COL6A5: variants seen among roughly 807,000 people sequenced by gnomAD.
COL6A5 encodes the protein collagen type VI alpha 5 chain.
COL6A5 carries 48 observed loss-of-function variants against 65.6 expected under a neutral mutation model. That is an observed-to-expected ratio of 0.73 (90% CI 0.58 to 0.93). COL6A5 has a LOEUF of 0.93. Among genes scored for constraint, COL6A5 ranks in the 40% least tolerant of loss-of-function variants. The pLI is 0.00. For synonymous variants in COL6A5, 291 were observed against 322.8 expected (o/e 0.90, Z 1.05); for missense variants, 914 against 928.3 (o/e 0.98, Z 0.20).
chr3:130,418,308 G>C (rs76492659), intron 24 of COL6A5, among the ~76,000 whole-genome samples: 2,731 of 151,950 alleles, frequency 0.018, 65 homozygotes, highest in East Asian at 0.091. Context: ...CCCTCTTCCT[G>C]GATCACTCTC....
chr3:130,361,252 C>T (rs997363069), intron 1 of COL6A5, among the ~76,000 whole-genome samples: 5 of 152,058 alleles, frequency 3.3e-5, no homozygotes, highest in Admixed American at 6.6e-5. Context: ...TCCCTCCATA[C>T]CTCCTAACCA....
chr3:130,484,313 G>A (rs1034075978), exon 8 of COL6A5: 2 of 494,904 alleles, frequency 4.0e-6, no homozygotes, highest in Admixed American at 3.7e-5. Flanking sequence ...CGACCTATAA[G>A]AGTTAACTTT....
intron 4 of COL6A5, among the ~76,000 whole-genome samples, chr3:130,451,787 C>G (rs6785226): frequency 0.56 from 85,379 of 151,964 alleles, 26,620 homozygotes; most frequent in Non-Finnish European, 0.71. Flanking sequence ...GATCAGGTAA[C>G]GAAGGCTGTG....
chr3:130,376,263 G>A (rs780591576), exon 3 of COL6A5: 47 of 1,608,292 alleles, frequency 2.9e-5, no homozygotes, highest in Admixed American at 2.5e-4. Context: ...TGCAGATGTC[G>A]TGTTTCTGGT....
exon 1 of COL6A5, chr3:130,431,865 C>T (rs2107694392): frequency 6.4e-7 from 1 of 1,551,648 alleles, no homozygotes; most frequent in Non-Finnish European, 8.7e-7. Context: ...CATCCATCAT[C>T]ACGGCCACCA....
rs377088930 is a variant in COL6A5, at chr3:130,397,877, G to A, written c.3863G>A (p.Arg1288Gln). The change falls in exon 9 of 42, where the codon CGG (arginine) becomes CAG (glutamine). Residue 1288 changes from arginine (R) to glutamine (Q), a missense_variant and NMD_transcript_variant. Physicochemically the swap from Arg to Gln is conservative, Grantham distance 43. Coordinates refer to the COL6A5 transcript ENST00000312481. ...ACTCATCTGAACGCACAGTTCTTGC[G>A]GTCTCTTTGGGACACATTTAAGGAT... The A allele has an allele frequency of 6.0e-5, 93 of 1,551,492 alleles. No homozygotes were observed. The Admixed American group carries it at 1.1e-3, about 19-fold the overall frequency.
intron 1 of COL6A5, 119 bp downstream of exon 1, chr3:130,346,100 A>C: frequency 5.0e-6 from 2 of 397,652 alleles, no homozygotes; most frequent in Non-Finnish European, 8.9e-6. Context: ...GACGCCCCCA[A>C]ATCTGAGCTC....
chr3:130,444,252 C>T (rs1709256064), intron 4 of COL6A5, among the ~76,000 whole-genome samples: 1 of 152,034 alleles, frequency 6.6e-6, no homozygotes, highest in African/African-American at 2.4e-5. Flanking sequence ...ACAATTTGTG[C>T]AGTTAACACA....
rs1032945054 is a variant in COL6A5 at position 130,401,015 on chromosome 3, G to C, written c.3992-16G>C. The C allele has an allele frequency of 6.6e-6, 10 of 1,517,278 alleles. No homozygotes were observed. Among genetic ancestry groups the C allele is most frequent in the Non-Finnish European group, 8.8e-6 (10 of 1,134,270 alleles). The allele number at this position is 1,517,278 out of a possible 1,614,324, so 94.0% of individuals were successfully genotyped here. ...AACCCCTTTGCTTTATTTATATTGT[G>C]GTTTTTACCACATAGGACTTGATGC... On this transcript the variant is annotated splice_polypyrimidine_tract_variant and intron_variant and NMD_transcript_variant, in intron 10 of 41. Transcript: ENST00000312481.
chr3:130,484,566 A>C (rs746664288), exon 8 of COL6A5: 27 of 398,896 alleles, frequency 6.8e-5, no homozygotes, highest in Non-Finnish European at 1.3e-5. Flanking sequence ...CCCACCTGTC[A>C]GGCTGCTATG....
At chr3:130,457,807 TC>T (rs1709611521) in intron 5 of COL6A5, among the ~76,000 whole-genome samples, 1 of 152,142 alleles carries the variant, frequency 6.6e-6, no homozygotes, top group African/African-American at 2.4e-5. Context: ...TAGTGTGCTG[TC>T]CTGTAGAGTG....
chr3:130,476,966 C>A, intron 7 of COL6A5: 1 of 825,148 alleles, frequency 1.2e-6, no homozygotes, highest in Non-Finnish European at 2.0e-6. Flanking sequence ...AAAATATCAG[C>A]TTGTCTTTTT....
chr3:130,363,816 C>T (rs1935229682), intron 1 of COL6A5, among the ~76,000 whole-genome samples: 1 of 152,136 alleles, frequency 6.6e-6, no homozygotes, highest in African/African-American at 2.4e-5. Context: ...AGCCATTTGT[C>T]AATTACACTT....
At chr3:130,376,503 A>G in exon 3 of COL6A5, 1 of 1,605,632 alleles carries the variant, frequency 6.2e-7, no homozygotes, top group Non-Finnish European at 8.5e-7. Flanking sequence ...GCAGATAGGA[A>G]AGGCTCTTCA....
intron 7 of COL6A5, chr3:130,477,099 A>G (rs1478868240): frequency 1.3e-6 from 2 of 1,511,340 alleles, no homozygotes; most frequent in South Asian, 1.2e-5. Flanking sequence ...AATTAATCCA[A>G]TACTTTCGTC....
chr3:130,381,388 T>A (rs551786599), intron 4 of COL6A5, among the ~76,000 whole-genome samples: 3 of 152,290 alleles, frequency 2.0e-5, no homozygotes, highest in African/African-American at 4.8e-5. Context: ...CCATATTTTT[T>A]AAAACATATC....
At chr3:130,416,796 A>G (rs1292408556) in exon 24 of COL6A5, 1 of 1,528,566 alleles carries the variant, frequency 6.5e-7, no homozygotes, top group Admixed American at 2.1e-5. Flanking sequence ...GAGCACTGGA[A>G]GACCTGGACT....
chr3:130,357,913 A>G (rs1394024467), intron 1 of COL6A5, among the ~76,000 whole-genome samples: 4 of 152,160 alleles, frequency 2.6e-5, no homozygotes, highest in African/African-American at 9.6e-5. Context: ...TAACTGGCCG[A>G]GCATGGTGGC....
intron 5 of COL6A5, among the ~76,000 whole-genome samples, chr3:130,459,700 T>C (rs1709661005): frequency 6.6e-6 from 1 of 151,908 alleles, no homozygotes. Context: ...GCTGTTCCCT[T>C]ATTACATGTC....
Sources: gnomAD v4.1 joint callset for allele counts (sites outside exome capture counted in the v4.1 genomes callset) on GRCh38, gnomAD v4.1.1 for gene constraint, MANE v1.5 for transcripts, NCBI Gene and HGNC (gene_info 2026-07-23, HGNC 2026-07-21) for gene names.